The following FAT3 variants were observed in gnomAD, a reference collection of about 807,000 sequenced individuals.
The protein encoded by FAT3 is protocadherin Fat 3.
FAT3 carries 95 observed loss-of-function variants against 310.2 expected under a neutral mutation model. The ratio of observed to expected loss-of-function variants is 0.31; its 90% confidence interval spans 0.26 to 0.36. The LOEUF is 0.36. Among genes scored for constraint, FAT3 ranks in the 10% least tolerant of loss-of-function variants. The probability of loss-of-function intolerance (pLI) is 1.00; values close to 1 mark genes in which losing one functional copy is unlikely to be tolerated. For missense variants in FAT3, 5,408 were observed against 5,715.6 expected, an observed-to-expected ratio of 0.95 and a Z score of 1.74; for synonymous variants, 2,314 against 2,192.9, an observed-to-expected ratio of 1.06 and a Z score of -1.54.
At chr11:92,391,067 TA>T (rs1383609675) in intron 2 of FAT3, among the ~76,000 whole-genome samples, 2 of 152,164 alleles carry the variant, frequency 1.3e-5, no homozygotes, top group African/African-American at 4.8e-5. Flanking sequence ...ACTTAATTTT[TA>T]AAAACAACTC....
chr11:92,255,458 G>A (rs529499033), intron 1 of FAT3, among the ~76,000 whole-genome samples: 1 of 152,016 alleles, frequency 6.6e-6, no homozygotes, highest in South Asian at 2.1e-4. Flanking sequence ...ACAGAGTATG[G>A]ACTCACTACA....
intron 3 of FAT3, among the ~76,000 whole-genome samples, chr11:92,596,333 G>A (rs892432649): frequency 6.6e-6 from 1 of 152,088 alleles, no homozygotes; most frequent in African/African-American, 2.4e-5. Flanking sequence ...GGACTCCAGG[G>A]AGCTGTCTTG....
intron 1 of FAT3, among the ~76,000 whole-genome samples, chr11:92,274,591 T>C (rs1001402132): frequency 3.9e-5 from 6 of 152,084 alleles, no homozygotes; most frequent in African/African-American, 1.4e-4. Context: ...TGGGACCTCT[T>C]CTAGAAAACA....
At chr11:92,696,210 T>G (rs1443440800) in intron 3 of FAT3, among the ~76,000 whole-genome samples, 1 of 152,056 alleles carries the variant, frequency 6.6e-6, no homozygotes, top group Non-Finnish European at 1.5e-5. Context: ...CAGAATGAAT[T>G]CATGGAAAGT....
chr11:92,772,174 A>G (rs958683292), intron 6 of FAT3, among the ~76,000 whole-genome samples: 7 of 152,178 alleles, frequency 4.6e-5, no homozygotes, highest in African/African-American at 1.7e-4. Context: ...GAAAGTTAAC[A>G]TTTTGGTAAA....
chr11:92,534,377 G>A (rs1240939087), intron 3 of FAT3, among the ~76,000 whole-genome samples: 1 of 152,140 alleles, frequency 6.6e-6, no homozygotes, highest in Non-Finnish European at 1.5e-5. Flanking sequence ...CTGATTGATG[G>A]ACTTAATGCT....
chr11:92,521,261 C>T (rs1953671317), intron 2 of FAT3, among the ~76,000 whole-genome samples: 1 of 152,108 alleles, frequency 6.6e-6, no homozygotes, highest in Admixed American at 6.6e-5. Context: ...GAATTATGTT[C>T]TCTTTTTAGT....
At chr11:92,229,522 T>TTTTTTTTTTTTTTTTTTTTTTTTCTC (rs1864080573) in intron 1 of FAT3, among the ~76,000 whole-genome samples, 1 of 141,928 alleles carries the variant, frequency 7.0e-6, no homozygotes, top group African/African-American at 2.6e-5. Flanking sequence ...TTGTTTTTTT[T>TTTTTTTTTTTTTTTTTTTTTTTTCTC]TACATTGCCT....
At chr11:92,337,783 A>G (rs1948130784) in intron 1 of FAT3, among the ~76,000 whole-genome samples, 1 of 152,172 alleles carries the variant, frequency 6.6e-6, no homozygotes, top group East Asian at 1.9e-4. Flanking sequence ...TCAAGTTCAA[A>G]CCTCGAAGTA....
rs776006374 is a variant in FAT3, at chr11:92,843,925, T to C, written c.10567-9T>C. The stretch of plus-strand genomic sequence containing the variant: ...CCTTTGTTGCCTTTTCACCTCTTGG[T>C]TGTTTTAGGCAAAGGATTCAGGCAA... On this transcript the variant is annotated splice_polypyrimidine_tract_variant and intron_variant, in intron 18 of 27. Transcript: ENST00000525166. 6.3e-7 allele frequency: 1 copy of C among 1,577,606 alleles called. No individual in the cohort carries two copies. Among genetic ancestry groups the C allele is most frequent in the South Asian group, 1.2e-5 (1 of 84,522 alleles).
chr11:92,810,669 A>G (rs905520852), intron 13 of FAT3, among the ~76,000 whole-genome samples: 1 of 152,194 alleles, frequency 6.6e-6, no homozygotes, highest in African/African-American at 2.4e-5. Context: ...GGAGATAAGG[A>G]ATTAGAATTG....
chr11:92,758,376 A>G lies in FAT3; in HGVS notation c.3670-3480A>G, dbSNP rs567918757. 4.6e-5 allele frequency among the ~76,000 whole-genome samples: 7 copies of G among 152,350 alleles called. No individual in the cohort carries two copies. In the South Asian group the frequency reaches 1.2e-3, roughly 27 times the overall value. On this transcript the variant is annotated intron_variant, in intron 4 of 27. Transcript: ENST00000525166. ...TCTGCAGGAGGCAGGGAATGGCTTT[A>G]CAGGAATGTTTGGATTGAGGCTTCT... is the stretch of plus-strand genomic sequence containing the variant.
At chr11:92,267,288 G>A (rs1945993983) in intron 1 of FAT3, among the ~76,000 whole-genome samples, 1 of 152,136 alleles carries the variant, frequency 6.6e-6, no homozygotes, top group Non-Finnish European at 1.5e-5. Flanking sequence ...CTAATTTTGG[G>A]CACATTCTTT....
chr11:92,711,116 T>C (rs1186275839), intron 4 of FAT3, among the ~76,000 whole-genome samples: 1 of 152,196 alleles, frequency 6.6e-6, no homozygotes, highest in Non-Finnish European at 1.5e-5. Context: ...TTGATGATTG[T>C]GTTTTAAATT....
chr11:92,306,070 A>G (rs1947109186), intron 1 of FAT3, among the ~76,000 whole-genome samples: 1 of 152,054 alleles, frequency 6.6e-6, no homozygotes, highest in South Asian at 2.1e-4. Flanking sequence ...TAAATTTGAA[A>G]TTATTTTTAA....
At chr11:92,275,880 G>A (rs191896966) in intron 1 of FAT3, among the ~76,000 whole-genome samples, 139 of 151,940 alleles carry the variant, frequency 9.1e-4, no homozygotes, top group African/African-American at 3.3e-3. Flanking sequence ...GAAGAAGTTG[G>A]ATTAGGTATC....
chr11:92,311,121 T>G (rs1947294035), intron 1 of FAT3, among the ~76,000 whole-genome samples: 1 of 152,038 alleles, frequency 6.6e-6, no homozygotes. Flanking sequence ...TTTTAATCTG[T>G]CCTACTTAAA....
intron 13 of FAT3, among the ~76,000 whole-genome samples, chr11:92,815,302 C>T (rs1435138962): frequency 2.0e-5 from 3 of 151,800 alleles, no homozygotes; most frequent in African/African-American, 4.8e-5. Context: ...GGGCTGGGCA[C>T]GGTGGCTCAC....
Position 92,798,366 on chromosome 11 carries a change from A to G in FAT3, c.5353A>G (p.Asn1785Asp). The G allele has an allele frequency of 6.2e-7, 1 of 1,613,494 alleles. No homozygotes were observed. Among genetic ancestry groups the G allele is most frequent in the Non-Finnish European group, 8.5e-7 (1 of 1,179,750 alleles). Residue 1785 changes from asparagine to aspartate, a missense_variant, in exon 10 of 28, where the codon AAT (asparagine) becomes GAT (aspartate). Coordinates refer to ENST00000525166, the MANE Select transcript of FAT3 (RefSeq NM_001367949.2). Reference protein sequence around the residue: ...SGSLSEAAPINSIVRSLDNSP... With the variant: ...SGSLSEAAPIDSIVRSLDNSP... ...CAGCCTAAGTGAGGCTGCCCCAATT[A>G]ATAGCATTGTCAGGAGCTTGGATAA...
Sources: gnomAD v4.1 joint callset for allele counts (sites outside exome capture counted in the v4.1 genomes callset) on GRCh38, gnomAD v4.1.1 for gene constraint, MANE v1.5 for transcripts, NCBI Gene and HGNC (gene_info 2026-07-23, HGNC 2026-07-21) for gene names.